Variants in HEATR5A observed in about 807,000 individuals in gnomAD.
HEATR5A encodes the protein HEAT repeat-containing protein 5A.
A neutral mutation model predicts 218.8 loss-of-function variants in HEATR5A; 178 were observed. That is an observed-to-expected ratio of 0.81 (90% CI 0.72 to 0.92). The LOEUF is 0.92. HEATR5A is among the 40% of genes least tolerant of loss of function. The pLI is 0.00. For missense variants in HEATR5A, 2,420 were observed against 2,418.9 expected, an observed-to-expected ratio of 1.00 and a Z score of -0.01; for synonymous variants, 864 against 871.6, an observed-to-expected ratio of 0.99 and a Z score of 0.15.
At chr14:31,365,041 A>G (rs1595140858) in intron 13 of HEATR5A, among the ~76,000 whole-genome samples, 2 of 151,694 alleles carry the variant, frequency 1.3e-5, no homozygotes, top group Non-Finnish European at 2.9e-5. Context: ...TGCCCGGCTA[A>G]TTTTTGTATT....
At chr14:31,342,521 T>C (rs148596523) in intron 21 of HEATR5A, among the ~76,000 whole-genome samples, 18 of 152,298 alleles carry the variant, frequency 1.2e-4, no homozygotes, top group African/African-American at 3.8e-4. Context: ...CCTGAGACAT[T>C]TGCCTTTACA....
At chr14:31,356,630 A>G (rs1901436678) in intron 16 of HEATR5A, among the ~76,000 whole-genome samples, 1 of 152,134 alleles carries the variant, frequency 6.6e-6, no homozygotes, top group Non-Finnish European at 1.5e-5. Flanking sequence ...TCTGTTCTCA[A>G]TGTTTTTATC....
intron 1 of HEATR5A, among the ~76,000 whole-genome samples, chr14:31,404,002 T>A (rs1183728869): frequency 1.3e-5 from 2 of 152,208 alleles, no homozygotes; most frequent in African/African-American, 4.8e-5. Context: ...TATGGCAAAA[T>A]GTTAACAGCC....
Position 31,321,739 on chromosome 14 carries a change from G to T in HEATR5A, c.3788-59C>A, listed in dbSNP as rs1900115133. On this transcript the variant is annotated intron_variant, in intron 24 of 35. Transcript: ENST00000543095. The stretch of plus-strand genomic sequence containing the variant: ...AGATTAGAAAATATCAAAAAAATGT[G>T]CTGGAACTAAGACTTACATTAAGTG... 12 of 1,297,494 alleles carry T rather than the reference G, an allele frequency of 9.2e-6. No individual in the cohort carries two copies. The Middle Eastern group carries it at 1.4e-3, about 149-fold the overall frequency. The allele number at this position is 1,297,494 out of a possible 1,614,324, so 80.4% of individuals were successfully genotyped here.
chr14:31,383,262 T>C (rs549684103), intron 10 of HEATR5A, among the ~76,000 whole-genome samples: 1 of 152,330 alleles, frequency 6.6e-6, no homozygotes, highest in South Asian at 2.1e-4. Flanking sequence ...ATTTGTCTAC[T>C]TGATCTTAAG....
At chr14:31,302,237 A>T in intron 33 of HEATR5A, 58 bp downstream of exon 33, 1 of 1,249,282 alleles carries the variant, frequency 8.0e-7, no homozygotes, top group Admixed American at 2.0e-5. Context: ...TATCCTCAAA[A>T]AACTCTTCTT....
intron 1 of HEATR5A, among the ~76,000 whole-genome samples, chr14:31,411,226 G>C (rs148123206): frequency 6.6e-6 from 1 of 152,076 alleles, no homozygotes; most frequent in Admixed American, 6.5e-5. Context: ...AAATTCATAA[G>C]AAAAAGGAAA....
At chr14:31,330,516 C>T (rs1055758032) in intron 22 of HEATR5A, among the ~76,000 whole-genome samples, 20 of 152,088 alleles carry the variant, frequency 1.3e-4, no homozygotes, top group Admixed American at 3.9e-4. Flanking sequence ...AGGCCAGCGC[C>T]GGTAGCTCAC....
chr14:31,400,217 A>C, intron 3 of HEATR5A, 84 bp downstream of exon 3: 2 of 814,658 alleles, frequency 2.5e-6, no homozygotes, highest in Non-Finnish European at 3.7e-6. Flanking sequence ...GTTTCAAAGT[A>C]AATGTCAAGT....
chr14:31,336,036 A>G (rs1900640177), intron 22 of HEATR5A, among the ~76,000 whole-genome samples: 1 of 149,532 alleles, frequency 6.7e-6, no homozygotes, highest in East Asian at 2.0e-4. Context: ...TATGCAGTGC[A>G]TAATAACTCA....
intron 5 of HEATR5A, 142 bp from the exon 6 acceptor site, chr14:31,394,368 T>C (rs144260054): frequency 1.9e-5 from 9 of 483,058 alleles, no homozygotes; most frequent in African/African-American, 4.0e-5. Flanking sequence ...GAATAATAAA[T>C]GGATACTTAT....
intron 14 of HEATR5A, among the ~76,000 whole-genome samples, chr14:31,359,287 A>AGTGT (rs35338545): frequency 0.029 from 1,448 of 50,474 alleles, 14 homozygotes; most frequent in African/African-American, 0.055. Context: ...AAAGTGTAAG[A>AGTGT]GTGTGTGTGT....
Position 31,321,680 on chromosome 14 carries a change from T to C in HEATR5A, c.3788A>G (p.Asn1263Ser). 3 of 1,567,392 alleles carry C rather than the reference T, an allele frequency of 1.9e-6. No homozygotes were observed. Among genetic ancestry groups the C allele is most frequent in the Non-Finnish European group, 2.6e-6 (3 of 1,158,370 alleles). ...AQEMKKRDSR[N>S]DFLVLHLADL... ...AGCAAGATGCAGTACCAAAAAGTCA[T>C]CTATAAGATTAAAAAACATATTGGG... Residue 1263 changes from asparagine (N) to serine (S), a missense_variant and splice_region_variant, in exon 25 of 36, where the codon AAT (asparagine) becomes AGT (serine). By Grantham distance (46) the Asn-to-Ser change is conservative. Coordinates refer to ENST00000543095, the MANE Select transcript of HEATR5A (RefSeq NM_015473.4).
At position 31,296,027 on chromosome 14, in the gene HEATR5A, A is replaced by C. The variant is rs764983576; in HGVS notation, c.5501T>G (p.Leu1834Arg). The C allele has an allele frequency of 6.2e-7, 1 of 1,613,600 alleles. No individual in the cohort carries two copies. Among genetic ancestry groups the C allele is most frequent in the South Asian group, 1.1e-5 (1 of 91,070 alleles). ...ETHQELDEVSLLTAITVFILS... is the reference protein window; with the variant it reads ...ETHQELDEVSRLTAITVFILS... ...AATAAACACTGTGATAGCAGTAAGT[A>C]GACTGACTTCATCAAGTTCTTGGTG... Residue 1834 changes from leucine (L) to arginine (R), a missense_variant, in exon 34 of 36, where the codon CTA (leucine) becomes CGA (arginine). Coordinates refer to ENST00000543095, the MANE Select transcript of HEATR5A (RefSeq NM_015473.4).
intron 16 of HEATR5A, among the ~76,000 whole-genome samples, chr14:31,356,410 T>A (rs1452506336): frequency 6.6e-6 from 1 of 152,148 alleles, no homozygotes; most frequent in Non-Finnish European, 1.5e-5. Context: ...CTAATTTTTT[T>A]ATTTTTGTAG....
intron 16 of HEATR5A, among the ~76,000 whole-genome samples, chr14:31,355,026 G>A (rs924417755): frequency 6.6e-6 from 1 of 152,144 alleles, no homozygotes; most frequent in Non-Finnish European, 1.5e-5. Context: ...AAATTTGCCT[G>A]GATAATTCCA....
chr14:31,413,901 T>G (rs879777383), intron 1 of HEATR5A, among the ~76,000 whole-genome samples: 5 of 152,214 alleles, frequency 3.3e-5, no homozygotes, highest in African/African-American at 9.6e-5. Context: ...CCATAGCTGG[T>G]GAAGCATCCA....
At position 31,338,173 on chromosome 14, in the gene HEATR5A, G is replaced by A. The variant is rs142467169; in HGVS notation, c.3229-559C>T. 1.9e-4 allele frequency among the ~76,000 whole-genome samples: 29 copies of A among 152,252 alleles called. No individual in the cohort carries two copies. In the East Asian group the frequency reaches 5.0e-3, roughly 26 times the overall value. On this transcript the variant is annotated intron_variant, in intron 21 of 35. Transcript: ENST00000543095. ...TAGTTTCCTCGTTTGTAACACTACT[G>A]CATCTCTCAGGGCTATTGTGACATT...
Position 31,358,887 on chromosome 14 carries a change from G to A in HEATR5A, c.2235+7C>T. ...TGAATCTAATCAAGAGTAAAAAATGGCCATACCTGTTCTTCAATAAATCTA... is the reference window on the plus strand; with the variant it reads ...TGAATCTAATCAAGAGTAAAAAATGACCATACCTGTTCTTCAATAAATCTA... On this transcript the variant is annotated splice_region_variant and intron_variant, in intron 15 of 35. Transcript: ENST00000543095. The A allele has an allele frequency of 6.3e-7, 1 of 1,598,590 alleles. No homozygotes were observed. The highest frequency in any genetic ancestry group is 8.5e-7 in the Non-Finnish European group (1 of 1,173,946).
Sources: gnomAD v4.1 joint callset for allele counts (sites outside exome capture counted in the v4.1 genomes callset) on GRCh38, gnomAD v4.1.1 for gene constraint, MANE v1.5 for transcripts, NCBI Gene and HGNC (gene_info 2026-07-23, HGNC 2026-07-21) for gene names.